The following PELI2 variants were observed in gnomAD, a reference collection of about 807,000 sequenced individuals.
PELI2 encodes the protein pellino E3 ubiquitin protein ligase family member 2.
Under a neutral mutation model 42.3 loss-of-function variants are expected in PELI2, and 23 were observed. That is an observed-to-expected ratio of 0.54 (90% confidence interval 0.39 to 0.77). The LOEUF is 0.77. Among genes scored for constraint, PELI2 ranks in the 30% least tolerant of loss-of-function variants. PELI2 has a pLI of 0.00. For missense variants in PELI2, 463 were observed against 553.2 expected, an observed-to-expected ratio of 0.84 and a Z score of 1.64; for synonymous variants, 245 against 212.2, an observed-to-expected ratio of 1.15 and a Z score of -1.34.
intron 2 of PELI2, among the ~76,000 whole-genome samples, chr14:56,182,431 G>A (rs1424683994): frequency 1.3e-5 from 2 of 152,178 alleles, no homozygotes; most frequent in East Asian, 1.9e-4. Flanking sequence ...GGTGGTGACG[G>A]TGTGGATACT....
chr14:56,168,890 G>T (rs960159360), intron 1 of PELI2, among the ~76,000 whole-genome samples: 1 of 151,984 alleles, frequency 6.6e-6, no homozygotes, highest in Non-Finnish European at 1.5e-5. Context: ...GTTAACAGGT[G>T]ATGAATTCTG....
chr14:56,252,109 T>C (rs1385441561), intron 2 of PELI2, among the ~76,000 whole-genome samples: 1 of 152,258 alleles, frequency 6.6e-6, no homozygotes, highest in African/African-American at 2.4e-5. Flanking sequence ...AAACACTGAA[T>C]GCTCTCTGTA....
intron 2 of PELI2, among the ~76,000 whole-genome samples, chr14:56,229,593 G>A (rs1039831349): frequency 2.6e-5 from 4 of 152,142 alleles, no homozygotes; most frequent in Non-Finnish European, 5.9e-5. Context: ...CCATCTGTAC[G>A]TCACCATCAT....
chr14:56,159,552 A>C lies in PELI2; in HGVS notation c.78-18783A>C, dbSNP rs370474856. On this transcript the variant is annotated intron_variant, in intron 1 of 5. Coordinates refer to ENST00000267460, the MANE Select transcript of PELI2 (RefSeq NM_021255.3). The stretch of plus-strand genomic sequence containing the variant: ...CATTATACAAATAAGTACTATACTG[A>C]TCTATTTGTTGCTACACTTTGTTTT... Among the ~76,000 whole-genome samples, 4 of 152,258 alleles carry C rather than the reference A, an allele frequency of 2.6e-5. No individual in the cohort carries two copies. The South Asian group carries it at 8.3e-4, about 32-fold the overall frequency.
intron 5 of PELI2, 60 bp from the exon 6 acceptor site, chr14:56,296,540 A>C (rs1566690859): frequency 1.7e-6 from 2 of 1,148,654 alleles, no homozygotes; most frequent in Non-Finnish European, 2.5e-6. Context: ...AGAGGAAAGA[A>C]TCTTGGAGTG....
chr14:56,189,462 A>C (rs745420926), intron 2 of PELI2, among the ~76,000 whole-genome samples: 9 of 152,188 alleles, frequency 5.9e-5, no homozygotes, highest in Non-Finnish European at 1.0e-4. Flanking sequence ...AGCAACTTTC[A>C]TGGCTCTCTG....
chr14:56,123,837 A>G (rs1000292413), intron 1 of PELI2, among the ~76,000 whole-genome samples: 2 of 152,250 alleles, frequency 1.3e-5, no homozygotes, highest in Non-Finnish European at 1.5e-5. Context: ...GCTATATTTG[A>G]GGAAGACCAA....
At chr14:56,154,767 C>T (rs1884487908) in intron 1 of PELI2, among the ~76,000 whole-genome samples, 1 of 152,150 alleles carries the variant, frequency 6.6e-6, no homozygotes, top group African/African-American at 2.4e-5. Flanking sequence ...TTAGGATAGA[C>T]CCTTCAAATT....
chr14:56,277,285 C>G (rs1259402531), intron 2 of PELI2, among the ~76,000 whole-genome samples: 1 of 152,098 alleles, frequency 6.6e-6, no homozygotes, highest in African/African-American at 2.4e-5. Flanking sequence ...TGAACTCCGC[C>G]TCCTGTCAGA....
At chr14:56,127,918 T>C (rs1883338078) in intron 1 of PELI2, among the ~76,000 whole-genome samples, 1 of 152,172 alleles carries the variant, frequency 6.6e-6, no homozygotes, top group Admixed American at 6.5e-5. Context: ...GTCTGTTGCT[T>C]TTATAATTTT....
intron 1 of PELI2, among the ~76,000 whole-genome samples, chr14:56,146,668 A>T (rs1488363814): frequency 6.6e-6 from 1 of 152,036 alleles, no homozygotes; most frequent in East Asian, 1.9e-4. Flanking sequence ...GGAATATAGT[A>T]CAAACTTGTG....
rs190318862 is a variant in PELI2 at position 56,273,272 on chromosome 14, C to T, written c.208-6404C>T. Among the ~76,000 whole-genome samples, 7 of 152,326 alleles carry T rather than the reference C, an allele frequency of 4.6e-5. No homozygotes were observed. In the East Asian group the frequency reaches 7.7e-4, roughly 17 times the overall value. ...GCTTCTTGGAGCCTAGTGGCATGTACGTAGTCAGGCTTCTTGCCCACAGCT... is the reference window on the plus strand; with the variant it reads ...GCTTCTTGGAGCCTAGTGGCATGTATGTAGTCAGGCTTCTTGCCCACAGCT... On this transcript the variant is annotated intron_variant, in intron 2 of 5. Transcript: ENST00000267460. This position sits in a 1 kb window ranked among gnomAD's most constrained non-coding sequence, Gnocchi z 4.3.
intron 2 of PELI2, among the ~76,000 whole-genome samples, chr14:56,196,248 G>A (rs941715696): frequency 4.6e-4 from 69 of 151,526 alleles, no homozygotes; most frequent in Admixed American, 4.4e-3. Context: ...GCATGTTTTC[G>A]TTTTGTTTTT....
At chr14:56,284,452 T>C (rs1238409811) in intron 3 of PELI2, among the ~76,000 whole-genome samples, 2 of 152,162 alleles carry the variant, frequency 1.3e-5, no homozygotes, top group African/African-American at 2.4e-5. Flanking sequence ...CTGCAGCCGG[T>C]GTTCAGGGGC....
intron 1 of PELI2, among the ~76,000 whole-genome samples, chr14:56,132,110 A>G (rs1883507883): frequency 6.6e-6 from 1 of 152,186 alleles, no homozygotes; most frequent in Non-Finnish European, 1.5e-5. Context: ...CACATGCCAT[A>G]TGCTCCTTTA....
chr14:56,178,127 G>A (rs549267876), intron 1 of PELI2, among the ~76,000 whole-genome samples: 1 of 152,222 alleles, frequency 6.6e-6, no homozygotes, highest in South Asian at 2.1e-4. Flanking sequence ...ATAATTACTT[G>A]TACATCACTC....
At chr14:56,215,722 C>G (rs540055213) in intron 2 of PELI2, among the ~76,000 whole-genome samples, 1 of 152,234 alleles carries the variant, frequency 6.6e-6, no homozygotes, top group East Asian at 1.9e-4. Context: ...TGAAGTATAG[C>G]CCAGTTTTGC....
intron 2 of PELI2, among the ~76,000 whole-genome samples, chr14:56,198,003 CACACA>C (rs1566632222): frequency 3.7e-5 from 5 of 134,608 alleles, no homozygotes; most frequent in Non-Finnish European, 5.2e-5. Flanking sequence ...CACACACACA[CACACA>C]CACACCCACC....
intron 1 of PELI2, among the ~76,000 whole-genome samples, chr14:56,124,914 T>TG (rs1168246880): frequency 6.6e-6 from 1 of 152,010 alleles, no homozygotes; most frequent in Non-Finnish European, 1.5e-5. Context: ...GGGATGATGA[T>TG]GGGGGGATAT....
Sources: allele counts gnomAD v4.1 joint callset (sites outside exome capture counted in the v4.1 genomes callset), GRCh38; gene constraint gnomAD v4.1.1; non-coding constraint Gnocchi (gnomAD v3.1); transcripts MANE v1.5; gene names NCBI Gene and HGNC (gene_info 2026-07-23, HGNC 2026-07-21).